The following PDE11A variants were observed in gnomAD, a reference collection of about 807,000 sequenced individuals.
PDE11A encodes phosphodiesterase 11A, also known as dual 3',5'-cyclic-AMP and -GMP phosphodiesterase 11A.
In PDE11A, 100 loss-of-function variants were observed where a neutral mutation model predicts 100.5. That is an observed-to-expected ratio of 1.00 (90% CI 0.85 to 1.18). The LOEUF is 1.18. PDE11A is among the 50% of genes most tolerant of loss of function. The pLI is 0.00. For synonymous variants in PDE11A, 381 were observed against 420.8 expected (o/e 0.91, Z 1.16); for missense variants, 1,141 against 1,152.6 (o/e 0.99, Z 0.15).
chr2:177,769,184 TA>T, intron 10 of PDE11A, 138 bp downstream of exon 10: 1 of 682,424 alleles, frequency 1.5e-6, no homozygotes, highest in Non-Finnish European at 2.7e-6. Context: ...AACAGAAATA[TA>T]AAAATACACC....
intron 18 of PDE11A, among the ~76,000 whole-genome samples, chr2:177,665,831 T>G (rs979598280): frequency 1.4e-5 from 2 of 145,972 alleles, no homozygotes; most frequent in Non-Finnish European, 3.0e-5. Context: ...CACTCCAGCC[T>G]CGGCGACAGA....
chr2:177,910,516 A>C (rs1316684509), intron 2 of PDE11A, among the ~76,000 whole-genome samples: 1 of 152,112 alleles, frequency 6.6e-6, no homozygotes, highest in Non-Finnish European at 1.5e-5. Context: ...ATTTCCAAAA[A>C]AACCAACTAA....
intron 2 of PDE11A, among the ~76,000 whole-genome samples, chr2:177,979,057 C>A: frequency 1.6e-5 from 2 of 122,652 alleles, no homozygotes; most frequent in Non-Finnish European, 1.7e-5. Flanking sequence ...TGCACATGTA[C>A]CCTAAAACTT....
chr2:177,681,064 T>A (rs966897479), intron 15 of PDE11A, among the ~76,000 whole-genome samples, 161 bp from the exon 16 acceptor site: 13 of 152,168 alleles, frequency 8.5e-5, no homozygotes, highest in African/African-American at 3.1e-4. Flanking sequence ...TCAAAATAAA[T>A]CACTTTCTAA....
At chr2:177,630,462 G>A (rs138856835) in intron 19 of PDE11A, among the ~76,000 whole-genome samples, 183 of 152,212 alleles carry the variant, frequency 1.2e-3, no homozygotes, top group Non-Finnish European at 4.9e-4. Context: ...ATATCAGAGG[G>A]CTTCTCCAAG....
chr2:177,698,948 T>A (rs2081157844), intron 14 of PDE11A, among the ~76,000 whole-genome samples: 1 of 152,146 alleles, frequency 6.6e-6, no homozygotes, highest in Non-Finnish European at 1.5e-5. Flanking sequence ...GCACCCAGAA[T>A]CTCCCAAAGA....
At chr2:177,714,528 T>C (rs1331233664) in intron 12 of PDE11A, among the ~76,000 whole-genome samples, 5 of 152,160 alleles carry the variant, frequency 3.3e-5, no homozygotes, top group Non-Finnish European at 5.9e-5. Flanking sequence ...AGCTAGTGCA[T>C]AGCAGAAGGG....
chr2:177,785,212 T>G (rs931105149), intron 9 of PDE11A, among the ~76,000 whole-genome samples: 46 of 152,234 alleles, frequency 3.0e-4, no homozygotes, highest in African/African-American at 1.0e-3. Context: ...TCAATCATAT[T>G]TCACTGGCCA....
chr2:178,060,832 T>G (rs1391064945), intron 1 of PDE11A, among the ~76,000 whole-genome samples: 1 of 152,080 alleles, frequency 6.6e-6, no homozygotes, highest in Non-Finnish European at 1.5e-5. Context: ...TTATTATTAT[T>G]ATAGATAATA....
intron 5 of PDE11A, among the ~76,000 whole-genome samples, chr2:177,843,370 G>A (rs2083522114): frequency 1.3e-5 from 2 of 152,282 alleles, no homozygotes; most frequent in South Asian, 4.2e-4. Flanking sequence ...AACAAATAGG[G>A]AGGGGCAGTC....
chr2:177,933,068 C>CCACA (rs58818826), intron 2 of PDE11A, among the ~76,000 whole-genome samples: 9,278 of 146,932 alleles, frequency 0.063, 508 homozygotes, highest in African/African-American at 0.15. Context: ...TTTACAATAG[C>CCACA]CACACACACA....
chr2:178,033,407 A>G (rs1446169289), intron 1 of PDE11A, among the ~76,000 whole-genome samples: 1 of 152,204 alleles, frequency 6.6e-6, no homozygotes, highest in Admixed American at 6.5e-5. Context: ...ATGTGAAAGG[A>G]CCAAACATAT....
intron 2 of PDE11A, among the ~76,000 whole-genome samples, chr2:178,009,406 T>C (rs1420844084): frequency 6.6e-6 from 1 of 152,224 alleles, no homozygotes; most frequent in Non-Finnish European, 1.5e-5. Context: ...AACTAGTAAT[T>C]TGTCAGTATG....
At chr2:178,061,935 T>C (rs1464453411) in intron 1 of PDE11A, among the ~76,000 whole-genome samples, 1 of 152,228 alleles carries the variant, frequency 6.6e-6, no homozygotes, top group Admixed American at 6.5e-5. Flanking sequence ...GTTGACCTTT[T>C]TGTTCTTTAA....
chr2:177,947,293 A>G (rs887850476), intron 2 of PDE11A, among the ~76,000 whole-genome samples: 1 of 145,456 alleles, frequency 6.9e-6, no homozygotes. Flanking sequence ...AGAACGGGCC[A>G]GGATGACAAT....
intron 10 of PDE11A, among the ~76,000 whole-genome samples, chr2:177,761,660 T>C (rs2082171413): frequency 6.6e-6 from 1 of 152,162 alleles, no homozygotes; most frequent in African/African-American, 2.4e-5. Context: ...AATGACTTCA[T>C]GGAGAAAGGG....
chr2:177,635,455 C>T (rs1010058825), intron 19 of PDE11A, among the ~76,000 whole-genome samples: 1 of 152,182 alleles, frequency 6.6e-6, no homozygotes, highest in African/African-American at 2.4e-5. Context: ...ACAGCCTGGG[C>T]ATCTGGTCAT....
intron 1 of PDE11A, among the ~76,000 whole-genome samples, chr2:178,014,923 C>A (rs1024449823): frequency 9.2e-5 from 14 of 151,740 alleles, no homozygotes; most frequent in African/African-American, 2.7e-4. Flanking sequence ...AAAATCCTCC[C>A]AAAAAGATGT....
intron 6 of PDE11A, among the ~76,000 whole-genome samples, chr2:177,831,569 C>G (rs1432713363): frequency 6.6e-6 from 1 of 152,160 alleles, no homozygotes; most frequent in Non-Finnish European, 1.5e-5. Flanking sequence ...CTGAATTGAA[C>G]AAGAAGCTAT....
Sources: allele counts gnomAD v4.1 joint callset (sites outside exome capture counted in the v4.1 genomes callset), GRCh38; gene constraint gnomAD v4.1.1; transcripts MANE v1.5; gene names NCBI Gene and HGNC (gene_info 2026-07-23, HGNC 2026-07-21).